LYPLA1: variants seen among roughly 807,000 people sequenced by gnomAD.
LYPLA1 encodes lysophospholipase 1.
LYPLA1 carries 17 observed loss-of-function variants against 34.0 expected under a neutral mutation model. The observed-to-expected ratio is 0.50, with a 90% CI of 0.34 to 0.75. The LOEUF is 0.75. Among genes scored for constraint, LYPLA1 ranks in the 30% least tolerant of loss-of-function variants. The pLI is 0.01. For synonymous variants in LYPLA1, 98 were observed against 100.8 expected (o/e 0.97, Z 0.17); for missense variants, 203 against 288.8 (o/e 0.70, Z 2.15).
rs755490213 is a variant in LYPLA1, at chr8:54,063,381, T to C, written c.168-6A>G. The C allele has an allele frequency of 3.3e-6, 5 of 1,526,316 alleles. No individual in the cohort carries two copies. The highest frequency in any genetic ancestry group is 4.4e-6 in the Non-Finnish European group (5 of 1,132,342). The allele number at this position is 1,526,316 out of a possible 1,614,324, so 94.5% of individuals were successfully genotyped here. A position where few individuals can be genotyped will look rare whatever the true frequency, so the allele number is the denominator to read the frequency against. ...ATGTAACAGGCCTAACAGGCCTACA[T>C]GGAAAAGAAAAAACAACAAAATCAG... On this transcript the variant is annotated splice_polypyrimidine_tract_variant and splice_region_variant and intron_variant, in intron 3 of 8. Coordinates refer to ENST00000316963, the MANE Select transcript of LYPLA1 (RefSeq NM_006330.4).
Position 54,047,892 on chromosome 8 carries a change from A to G in LYPLA1, c.*173T>C, listed in dbSNP as rs1056314979. On this transcript the variant is annotated 3_prime_UTR_variant, in exon 9 of 9. Transcript: ENST00000316963. ...ATAAGAATACATGTATAGAAACTTAAAAGATCATAAATTTCTCATGAGGAG... is the reference window on the plus strand; with the variant it reads ...ATAAGAATACATGTATAGAAACTTAGAAGATCATAAATTTCTCATGAGGAG... 29 of 481,128 alleles carry G rather than the reference A, an allele frequency of 6.0e-5. No homozygotes were observed. Among genetic ancestry groups the G allele is most frequent in the Middle Eastern group, 5.4e-4 (1 of 1,844 alleles). The allele number at this position is 481,128 out of a possible 1,614,324, so 29.8% of individuals were successfully genotyped here. A position where few individuals can be genotyped will look rare whatever the true frequency, so the allele number is the denominator to read the frequency against.
chr8:54,070,830 C>T (rs1411456125), intron 2 of LYPLA1, among the ~76,000 whole-genome samples: 1 of 152,102 alleles, frequency 6.6e-6, no homozygotes, highest in African/African-American at 2.4e-5. Context: ...GCCTTGAAAA[C>T]AATGTTAAGT....
intron 2 of LYPLA1, among the ~76,000 whole-genome samples, chr8:54,085,049 G>A (rs990912939): frequency 2.0e-5 from 3 of 151,936 alleles, no homozygotes; most frequent in African/African-American, 4.8e-5. Flanking sequence ...CTCTGATGCC[G>A]AGACGAGGCT....
At chr8:54,100,998 A>G in intron 1 of LYPLA1, 59 bp from the exon 2 acceptor site, 1 of 1,373,752 alleles carries the variant, frequency 7.3e-7, no homozygotes, top group Non-Finnish European at 1.0e-6. Flanking sequence ...CAGGATTGTT[A>G]CACACTAGCT....
At chr8:54,053,012 T>G (rs554024772) in intron 6 of LYPLA1, 1 of 404,128 alleles carries the variant, frequency 2.5e-6, no homozygotes, top group South Asian at 8.0e-5. Context: ...ACTTACAACA[T>G]GCCTTACGAA....
intron 1 of LYPLA1, chr8:54,101,496 G>A (rs1810147867): frequency 2.7e-6 from 3 of 1,121,928 alleles, no homozygotes; most frequent in Non-Finnish European, 1.1e-6. Context: ...GCCCTAGGCC[G>A]GCCCGCGGGG....
intron 2 of LYPLA1, among the ~76,000 whole-genome samples, chr8:54,085,449 C>T (rs573631230): frequency 1.3e-5 from 2 of 152,138 alleles, no homozygotes; most frequent in Admixed American, 6.5e-5. Context: ...CGCCGCCCAT[C>T]GTCTGGGATG....
At chr8:54,070,891 T>C (rs938990718) in intron 2 of LYPLA1, among the ~76,000 whole-genome samples, 2 of 152,204 alleles carry the variant, frequency 1.3e-5, no homozygotes, top group African/African-American at 2.4e-5. Context: ...AGGGTTTCTT[T>C]TTGAGGCAAT....
chr8:54,049,036 G>A (rs1805663118), intron 8 of LYPLA1, among the ~76,000 whole-genome samples: 1 of 152,142 alleles, frequency 6.6e-6, no homozygotes, highest in African/African-American at 2.4e-5. Context: ...ACACATTAAG[G>A]GTTCCAGGAC....
chr8:54,048,466 A>G (rs1458845071), intron 8 of LYPLA1, among the ~76,000 whole-genome samples: 1 of 152,156 alleles, frequency 6.6e-6, no homozygotes, highest in Admixed American at 6.6e-5. Context: ...ATGAGTGACA[A>G]AGCAGAGCTT....
chr8:54,078,759 A>G (rs1320896468), intron 2 of LYPLA1, among the ~76,000 whole-genome samples: 1 of 152,196 alleles, frequency 6.6e-6, no homozygotes, highest in African/African-American at 2.4e-5. Context: ...TTTTGAGACA[A>G]GATTATAGAT....
intron 2 of LYPLA1, among the ~76,000 whole-genome samples, chr8:54,067,758 C>T (rs1029499016): frequency 1.5e-4 from 23 of 149,164 alleles, no homozygotes; most frequent in African/African-American, 5.2e-4. Flanking sequence ...TGCAGTGGCG[C>T]GATCTCGGCT....
chr8:54,049,090 A>G (rs201356932), intron 8 of LYPLA1, among the ~76,000 whole-genome samples: 262 of 152,300 alleles, frequency 1.7e-3, no homozygotes, highest in African/African-American at 5.7e-3. Flanking sequence ...GTAATACTCT[A>G]TATCAGTAGG....
Position 54,050,995 on chromosome 8 carries a change from T to G in LYPLA1, c.639+17A>C. ...AAGTTACAAATATGGCGCTGATCAC[T>G]GCTTCTAGACACCTACCTGTTGACA... On this transcript the variant is annotated intron_variant, in intron 8 of 8. Transcript: ENST00000316963. 1.3e-6 allele frequency: 2 copies of G among 1,576,288 alleles called. No individual in the cohort carries two copies. The highest frequency in any genetic ancestry group is 1.7e-6 in the Non-Finnish European group (2 of 1,155,272).
At chr8:54,069,819 C>T (rs1807335113) in intron 2 of LYPLA1, among the ~76,000 whole-genome samples, 2 of 151,864 alleles carry the variant, frequency 1.3e-5, no homozygotes, top group South Asian at 4.2e-4. Context: ...AAAGACATCT[C>T]AATAAAAAAA....
At chr8:54,100,864 G>T in intron 2 of LYPLA1, 44 bp downstream of exon 2, 1 of 1,526,092 alleles carries the variant, frequency 6.6e-7, no homozygotes, top group Non-Finnish European at 9.1e-7. Context: ...AAAGTTGCAT[G>T]ACCCAGTTTC....
chr8:54,093,306 A>G (rs1303465997), intron 2 of LYPLA1, among the ~76,000 whole-genome samples: 1 of 152,230 alleles, frequency 6.6e-6, no homozygotes, highest in East Asian at 1.9e-4. Flanking sequence ...GGCTCTTTGC[A>G]GATTTCCTTA....
chr8:54,060,004 A>G (rs1806481452), intron 5 of LYPLA1, among the ~76,000 whole-genome samples: 1 of 151,984 alleles, frequency 6.6e-6, no homozygotes, highest in South Asian at 2.1e-4. Flanking sequence ...ACCCACCCAC[A>G]CTCAAGAGTC....
chr8:54,060,689 C>CTTT (rs761596145), intron 5 of LYPLA1, among the ~76,000 whole-genome samples: 40 of 123,460 alleles, frequency 3.2e-4, no homozygotes, highest in East Asian at 6.8e-4. Context: ...TTTTTTCTTC[C>CTTT]TTTTTTTTTT....
Sources: gnomAD v4.1 joint callset for allele counts (sites outside exome capture counted in the v4.1 genomes callset) on GRCh38, gnomAD v4.1.1 for gene constraint, MANE v1.5 for transcripts, NCBI Gene and HGNC (gene_info 2026-07-23, HGNC 2026-07-21) for gene names.